TP73: variants seen among roughly 807,000 people sequenced by gnomAD.
The protein encoded by TP73 is tumor protein p73, also known as p53-like transcription factor.
Under a neutral mutation model 62.5 loss-of-function variants are expected in TP73, and 25 were observed. The observed-to-expected ratio is 0.40, with a 90% CI of 0.29 to 0.56. The LOEUF (loss-of-function observed/expected upper bound fraction) is 0.56, where lower values mean the gene tolerates loss of function less well. TP73 is among the 20% of genes least tolerant of loss of function. The pLI, the probability that TP73 is intolerant of heterozygous loss-of-function variation, is 0.46. For synonymous variants in TP73, 423 were observed against 377.5 expected (o/e 1.12, Z -1.40); for missense variants, 754 against 913.3 (o/e 0.83, Z 2.25).
At chr1:3,677,217 G>T (rs1645393800) in intron 1 of TP73, among the ~76,000 whole-genome samples, 1 of 152,166 alleles carries the variant, frequency 6.6e-6, no homozygotes, top group Admixed American at 6.5e-5. Context: ...ACACGTGTGT[G>T]GGGGCTCTCC....
intron 1 of TP73, among the ~76,000 whole-genome samples, chr1:3,677,461 C>A (rs1239939990): frequency 6.6e-6 from 1 of 152,158 alleles, no homozygotes; most frequent in Non-Finnish European, 1.5e-5. Context: ...GTGCCAGCAG[C>A]CTACAGCCTG....
chr1:3,668,365 TGTGGGGGAGGAAG>T (rs1195920157), intron 1 of TP73, among the ~76,000 whole-genome samples: 2 of 152,054 alleles, frequency 1.3e-5, no homozygotes, highest in Non-Finnish European at 2.9e-5. Flanking sequence ...CTGCTGCAAT[TGTGGGGGAGGAAG>T]GTGGCACAGT....
chr1:3,676,951 C>T (rs1193975526), intron 1 of TP73, among the ~76,000 whole-genome samples: 4 of 151,416 alleles, frequency 2.6e-5, no homozygotes, highest in Non-Finnish European at 4.4e-5. Flanking sequence ...CCTCTGACCC[C>T]GTGGAAAATG....
chr1:3,707,175 G>T (rs1639726914), intron 3 of TP73, among the ~76,000 whole-genome samples: 1 of 152,162 alleles, frequency 6.6e-6, no homozygotes, highest in Non-Finnish European at 1.5e-5. Context: ...TCCCCACTTT[G>T]AGCTGTGAGG....
At chr1:3,706,076 C>A (rs1639600660) in intron 3 of TP73, among the ~76,000 whole-genome samples, 1 of 152,164 alleles carries the variant, frequency 6.6e-6, no homozygotes, top group Admixed American at 6.5e-5. Context: ...CACACCACAG[C>A]TTCTCTAAAG....
intron 6 of TP73, among the ~76,000 whole-genome samples, chr1:3,725,526 G>A (rs868547574): frequency 1.3e-3 from 182 of 136,080 alleles, no homozygotes; most frequent in African/African-American, 4.8e-3. Flanking sequence ...GTGGGTGGAC[G>A]GATGGATGAA....
At chr1:3,687,123 C>G (rs1274987465) in intron 3 of TP73, among the ~76,000 whole-genome samples, 1 of 152,184 alleles carries the variant, frequency 6.6e-6, no homozygotes. Context: ...CTCTGGCTGT[C>G]CCTGAAGACC....
chr1:3,716,280 G>GC (rs1383019339), intron 4 of TP73, among the ~76,000 whole-genome samples: 10 of 152,144 alleles, frequency 6.6e-5, no homozygotes, highest in South Asian at 4.1e-4. Context: ...GTCTCCTGCA[G>GC]CCCCCCCAGC....
At chr1:3,692,546 C>G (rs1434619765) in intron 3 of TP73, among the ~76,000 whole-genome samples, 2 of 152,324 alleles carry the variant, frequency 1.3e-5, no homozygotes, top group African/African-American at 2.4e-5. Context: ...TAGAAACGCA[C>G]AGCAGGCCTG....
Position 3,733,152 on chromosome 1 carries a change from C to A in TP73, c.*73C>A. 7.0e-7 allele frequency: 1 copy of A among 1,436,584 alleles called. No homozygotes were observed. The highest frequency in any genetic ancestry group is 9.2e-7 in the Non-Finnish European group (1 of 1,081,630). The allele number at this position is 1,436,584 out of a possible 1,614,324, so 89.0% of individuals were successfully genotyped here. Reference sequence around the variant, plus strand: ...GCCTCCCCTCTCCTTCCTGTGTGTCCAAAACTGCCTCAGGAGGCAGGACCT... The same window carrying A: ...GCCTCCCCTCTCCTTCCTGTGTGTCAAAAACTGCCTCAGGAGGCAGGACCT... On this transcript the variant is annotated 3_prime_UTR_variant, in exon 14 of 14. Coordinates refer to ENST00000378295, the MANE Select transcript of TP73 (RefSeq NM_005427.4).
chr1:3,726,396 T>C (rs111203544), intron 6 of TP73, among the ~76,000 whole-genome samples: 1,080 of 9,832 alleles, frequency 0.11, 49 homozygotes, highest in African/African-American at 0.23. Flanking sequence ...AATGGGGGAG[T>C]GGATGGATGG....
chr1:3,655,851 G>A (rs552353724), intron 1 of TP73, among the ~76,000 whole-genome samples: 15 of 152,300 alleles, frequency 9.8e-5, no homozygotes, highest in African/African-American at 2.9e-4. Flanking sequence ...ATCCTTCTCT[G>A]TGGGTCGTGC....
At chr1:3,711,062 G>A (rs1254893188) in intron 4 of TP73, among the ~76,000 whole-genome samples, 1 of 152,230 alleles carries the variant, frequency 6.6e-6, no homozygotes, top group African/African-American at 2.4e-5. Context: ...CGTCTGCTGG[G>A]GTCCCAATCC....
Position 3,732,828 on chromosome 1 carries a change from T to A in TP73, c.1660T>A (p.Tyr554Asn). The A allele has an allele frequency of 6.2e-7, 1 of 1,611,656 alleles. No individual in the cohort carries two copies. Among genetic ancestry groups the A allele is most frequent in the Non-Finnish European group, 8.5e-7 (1 of 1,179,352 alleles). Residue 554 changes from tyrosine to asparagine, a missense_variant, in exon 14 of 14, where the codon TAC becomes AAC. This residue lies in a region of TP73 where 458 missense variants were observed against 528.7 expected (regional missense o/e 0.87). Transcript: ENST00000378295. ...GCAGGACCTGAAGCAGGGCCACGAC[T>A]ACAGCACCGCGCAGCAGCTGCTCCG... Reference protein sequence around the residue: ...GLQDLKQGHDYSTAQQLLRSS... With the variant: ...GLQDLKQGHDNSTAQQLLRSS...
At chr1:3,655,279 C>T (rs1469427177) in intron 1 of TP73, among the ~76,000 whole-genome samples, 3 of 152,084 alleles carry the variant, frequency 2.0e-5, no homozygotes, top group African/African-American at 7.2e-5. Context: ...CTCAGCTACT[C>T]AGGAGGCTGA....
At chr1:3,681,863 C>A (rs534494898) in intron 1 of TP73, among the ~76,000 whole-genome samples, 1 of 109,096 alleles carries the variant, frequency 9.2e-6, no homozygotes, top group Admixed American at 1.0e-4. Context: ...CGTAACAGAC[C>A]ACAGGCCTCA....
At chr1:3,711,052 C>T (rs1464577380) in intron 4 of TP73, among the ~76,000 whole-genome samples, 7 of 152,216 alleles carry the variant, frequency 4.6e-5, no homozygotes, top group Admixed American at 3.9e-4. Context: ...GTGGAGCTGG[C>T]GTCTGCTGGG....
chr1:3,707,800 C>T lies in TP73; in HGVS notation c.429+9C>T. 2 of 1,610,994 alleles carry T rather than the reference C, an allele frequency of 1.2e-6. No homozygotes were observed. Among genetic ancestry groups the T allele is most frequent in the Non-Finnish European group, 1.7e-6 (2 of 1,178,868 alleles). ...AGTCAGCCACCTGGACGGTGAGTTC[C>T]CCTAGTCCCTGAGGGCTGCGGGCTG... On this transcript the variant is annotated intron_variant, in intron 4 of 13. Coordinates refer to ENST00000378295, the MANE Select transcript of TP73 (RefSeq NM_005427.4).
At position 3,730,052 on chromosome 1, in the gene TP73, G is replaced by A; in HGVS notation, c.1249G>A (p.Val417Met). 1.2e-6 allele frequency: 2 copies of A among 1,608,930 alleles called. No homozygotes were observed. The highest frequency in any genetic ancestry group is 1.7e-6 in the Non-Finnish European group (2 of 1,178,246). ...GCCGGTCCTCTCGCCCATGAACAAGGTGCACGGGGGCATGAACAAGCTGCC... is the reference window on the plus strand; with the variant it reads ...GCCGGTCCTCTCGCCCATGAACAAGATGCACGGGGGCATGAACAAGCTGCC... ...YGPVLSPMNK[V>M]HGGMNKLPSV... Residue 417 changes from valine (V) to methionine (M), a missense_variant, in exon 11 of 14, where the codon GTG becomes ATG. This residue lies in a region of TP73 where 458 missense variants were observed against 528.7 expected (regional missense o/e 0.87). Coordinates refer to ENST00000378295, the MANE Select transcript of TP73 (RefSeq NM_005427.4).
Sources: gnomAD v4.1 joint callset for allele counts (sites outside exome capture counted in the v4.1 genomes callset) on GRCh38, gnomAD v4.1.1 for gene constraint, gnomAD v4.1.1 regional missense constraint, MANE v1.5 for transcripts, NCBI Gene and HGNC (gene_info 2026-07-23, HGNC 2026-07-21) for gene names.